HDAC9: variants seen among roughly 807,000 people sequenced by gnomAD.
The protein encoded by HDAC9 is MEF-2 interacting transcription repressor (MITR) protein.
HDAC9 carries 41 observed loss-of-function variants against 139.4 expected under a neutral mutation model. The observed-to-expected ratio is 0.29, with a 90% CI of 0.23 to 0.38. HDAC9 has a LOEUF of 0.38. HDAC9 is among the 10% of genes least tolerant of loss of function. HDAC9 has a pLI of 1.00. For synonymous variants in HDAC9, 517 were observed against 476.2 expected (o/e 1.09, Z -1.12); for missense variants, 1,147 against 1,297.0 (o/e 0.88, Z 1.78).
rs143268015 is a variant in HDAC9, at chr7:18,341,426, T to G, written c.-42+50911T>G. ...CAATTCTCTCTTCTTTTTTAAAAAA[T>G]TTAATTCTCTTTTTTCTGAGTGTTT... is the stretch of plus-strand genomic sequence containing the variant. On this transcript the variant is annotated intron_variant, in intron 1 of 3. Coordinates refer to the HDAC9 transcript ENST00000413509. Among the ~76,000 whole-genome samples the G allele has an allele frequency of 5.1e-3, 775 of 151,908 alleles. 3 individuals carry two copies. Among genetic ancestry groups the G allele is most frequent in the Non-Finnish European group, 7.4e-3 (505 of 67,838 alleles).
intron 13 of HDAC9, among the ~76,000 whole-genome samples, chr7:18,733,009 G>A (rs1786458731): frequency 1.4e-5 from 2 of 142,572 alleles, no homozygotes; most frequent in African/African-American, 5.5e-5. Context: ...ATATACACAT[G>A]TGTATGTGTG....
Position 18,269,250 on chromosome 7 carries a change from T to C in HDAC9, c.25+106901T>C, listed in dbSNP as rs556690989. On this transcript the variant is annotated intron_variant, in intron 2 of 12. Transcript: ENST00000417496. ...TATATATAAATAAAACTCTAAACTTTGAAAAATTATAGTTCCTCAACCAGG... is the reference window on the plus strand; with the variant it reads ...TATATATAAATAAAACTCTAAACTTCGAAAAATTATAGTTCCTCAACCAGG... Among the ~76,000 whole-genome samples the C allele has an allele frequency of 9.2e-5, 14 of 152,250 alleles. No individual in the cohort carries two copies. The South Asian group carries it at 2.9e-3, about 32-fold the overall frequency.
intron 21 of HDAC9, among the ~76,000 whole-genome samples, chr7:18,868,140 T>C (rs1276844488): frequency 6.6e-6 from 1 of 152,206 alleles, no homozygotes; most frequent in Non-Finnish European, 1.5e-5. Flanking sequence ...AACATGGTCT[T>C]CTTATATGCC....
chr7:18,966,326 A>G lies in HDAC9; in HGVS notation c.3023-9480A>G, dbSNP rs1477583348. On this transcript the variant is annotated intron_variant, in intron 24 of 25. Transcript: ENST00000686413. ...TCTGATCTGGGAGTTAAAGGAAGAAATACTCAACATTGCTGCCACTTGGCA... is the reference window on the plus strand; with the variant it reads ...TCTGATCTGGGAGTTAAAGGAAGAAGTACTCAACATTGCTGCCACTTGGCA... Among the ~76,000 whole-genome samples, 5 of 152,204 alleles carry G rather than the reference A, an allele frequency of 3.3e-5. No individual in the cohort carries two copies. The East Asian group carries it at 9.6e-4, about 29-fold the overall frequency.
chr7:18,654,279 CT>C (rs1790339641), intron 11 of HDAC9, among the ~76,000 whole-genome samples: 1 of 152,074 alleles, frequency 6.6e-6, no homozygotes. Context: ...CCACTTTTGA[CT>C]TTTTGCTGCA....
At chr7:18,607,304 C>T (rs1201671907) in intron 6 of HDAC9, among the ~76,000 whole-genome samples, 2 of 152,132 alleles carry the variant, frequency 1.3e-5, no homozygotes, top group East Asian at 1.9e-4. Flanking sequence ...GCTAAGGTAG[C>T]CTAGAAAGAC....
intron 12 of HDAC9, among the ~76,000 whole-genome samples, chr7:18,681,572 C>T (rs1289561306): frequency 6.6e-6 from 1 of 151,984 alleles, no homozygotes; most frequent in Non-Finnish European, 1.5e-5. Context: ...AAATTTCCAG[C>T]AGAATTAACA....
At chr7:18,844,886 A>C (rs1375457703) in intron 21 of HDAC9, among the ~76,000 whole-genome samples, 1 of 152,096 alleles carries the variant, frequency 6.6e-6, no homozygotes, top group Non-Finnish European at 1.5e-5. Context: ...GAAGTTTCTG[A>C]CACTGTAGAT....
chr7:18,267,128 T>G (rs1467971631), intron 2 of HDAC9, among the ~76,000 whole-genome samples: 5 of 152,140 alleles, frequency 3.3e-5, no homozygotes, highest in African/African-American at 1.2e-4. Context: ...CTAAAAGACA[T>G]GGCTTTATTA....
chr7:18,219,524 C>T (rs1792538668), intron 2 of HDAC9, among the ~76,000 whole-genome samples: 1 of 151,646 alleles, frequency 6.6e-6, no homozygotes, highest in African/African-American at 2.4e-5. Flanking sequence ...AGCCATCTGC[C>T]AAAATTTGGT....
At chr7:18,511,814 A>G (rs987661493) in intron 2 of HDAC9, among the ~76,000 whole-genome samples, 2 of 152,070 alleles carry the variant, frequency 1.3e-5, no homozygotes, top group Non-Finnish European at 2.9e-5. Context: ...CAGACTGTAG[A>G]TATTTTTGCC....
intron 3 of HDAC9, among the ~76,000 whole-genome samples, chr7:18,588,284 A>G (rs920557048): frequency 6.6e-6 from 1 of 152,164 alleles, no homozygotes; most frequent in African/African-American, 2.4e-5. Flanking sequence ...AAAATTTACT[A>G]ATTTCATTAG....
intron 11 of HDAC9, among the ~76,000 whole-genome samples, chr7:18,654,592 C>T (rs1163480348): frequency 2.6e-5 from 4 of 152,082 alleles, no homozygotes; most frequent in Non-Finnish European, 4.4e-5. Context: ...ACACAAAAGC[C>T]TGTCCTTAAT....
chr7:18,782,857 T>G (rs1377350356), intron 16 of HDAC9, among the ~76,000 whole-genome samples: 1 of 152,022 alleles, frequency 6.6e-6, no homozygotes, highest in Admixed American at 6.6e-5. Context: ...CACGGATCGG[T>G]GAATGAACTT....
intron 1 of HDAC9, among the ~76,000 whole-genome samples, chr7:18,328,461 C>A (rs1332778800): frequency 6.6e-6 from 1 of 151,918 alleles, no homozygotes; most frequent in Non-Finnish European, 1.5e-5. Context: ...AATAAGAATT[C>A]TTTGCACTAA....
chr7:18,675,288 T>C (rs940147959), intron 12 of HDAC9, among the ~76,000 whole-genome samples: 3 of 152,028 alleles, frequency 2.0e-5, no homozygotes, highest in Admixed American at 2.0e-4. Context: ...TAATATTGAT[T>C]TTATAGTTAG....
At chr7:18,352,885 TA>T (rs1459113024) in intron 1 of HDAC9, among the ~76,000 whole-genome samples, 1 of 152,114 alleles carries the variant, frequency 6.6e-6, no homozygotes, top group Non-Finnish European at 1.5e-5. Context: ...GAAAATCTTT[TA>T]ACAGCCTCAC....
intron 1 of HDAC9, among the ~76,000 whole-genome samples, chr7:18,353,112 A>G (rs921678229): frequency 6.6e-6 from 1 of 152,134 alleles, no homozygotes; most frequent in African/African-American, 2.4e-5. Context: ...AATCAAACCT[A>G]AGGAAGAATG....
At chr7:18,274,464 C>A (rs754143287) in intron 2 of HDAC9, among the ~76,000 whole-genome samples, 2 of 152,074 alleles carry the variant, frequency 1.3e-5, no homozygotes, top group Non-Finnish European at 2.9e-5. Context: ...GCCAAGAACT[C>A]ACTCACCCCC....
Sources: gnomAD v4.1 joint callset for allele counts (sites outside exome capture counted in the v4.1 genomes callset) on GRCh38, gnomAD v4.1.1 for gene constraint, MANE v1.5 for transcripts, NCBI Gene and HGNC (gene_info 2026-07-23, HGNC 2026-07-21) for gene names.